The following KPNA7 variants were observed in gnomAD, a reference collection of about 807,000 sequenced individuals.
The protein encoded by KPNA7 is karyopherin subunit alpha 7.
A neutral mutation model predicts 53.7 loss-of-function variants in KPNA7; 54 were observed. The ratio of observed to expected loss-of-function variants is 1.01; its 90% confidence interval spans 0.81 to 1.26. The LOEUF is 1.26. KPNA7 is among the 50% of genes most tolerant of loss of function. The probability of loss-of-function intolerance (pLI) is 0.00; values close to 1 mark genes in which losing one functional copy is unlikely to be tolerated. For missense variants in KPNA7, 640 were observed against 644.5 expected, an observed-to-expected ratio of 0.99 and a Z score of 0.07; for synonymous variants, 276 against 259.3, an observed-to-expected ratio of 1.06 and a Z score of -0.62.
the KPNA7 span, among the ~76,000 whole-genome samples, chr7:99,147,479 T>C: frequency 6.6e-6 from 1 of 152,182 alleles, no homozygotes; most frequent in Non-Finnish European, 1.5e-5. Flanking sequence ...ACTCTATCCA[T>C]ACAACTTACT....
chr7:99,149,481 A>G, the KPNA7 span, among the ~76,000 whole-genome samples: 2 of 152,366 alleles, frequency 1.3e-5, no homozygotes, highest in East Asian at 1.9e-4. Context: ...GGCTTAAATC[A>G]TGAATGTAGA....
At chr7:99,186,842 G>C (rs1789619692) in intron 7 of KPNA7, among the ~76,000 whole-genome samples, 1 of 152,106 alleles carries the variant, frequency 6.6e-6, no homozygotes, top group Non-Finnish European at 1.5e-5. Context: ...GAAGTCCTAT[G>C]CTAATCTCAA....
chr7:99,188,945 G>A (rs144322243), intron 6 of KPNA7, among the ~76,000 whole-genome samples: 8 of 152,244 alleles, frequency 5.3e-5, no homozygotes, highest in Non-Finnish European at 8.8e-5. Context: ...GCCTCCCAAC[G>A]TGCTGGGATT....
intron 1 of KPNA7, among the ~76,000 whole-genome samples, chr7:99,219,389 G>A (rs1791291325): frequency 6.6e-6 from 1 of 152,164 alleles, no homozygotes; most frequent in Admixed American, 6.5e-5. Context: ...CTTAAAAGCT[G>A]CTGTTGAATT....
At chr7:99,177,575 A>C in intron 10 of KPNA7, among the ~76,000 whole-genome samples, 1 of 87,654 alleles carries the variant, frequency 1.1e-5, no homozygotes, top group Admixed American at 1.1e-4. Context: ...ACCATCTCAA[A>C]AAAAAAAAAA....
intron 1 of KPNA7, among the ~76,000 whole-genome samples, chr7:99,218,848 G>C (rs1402166276): frequency 6.6e-6 from 1 of 152,250 alleles, no homozygotes; most frequent in African/African-American, 2.4e-5. Context: ...ACAAGAGCAA[G>C]ATATCTGATC....
rs572557822 is a variant in KPNA7 at position 99,188,292 on chromosome 7, G to A, written c.900+8C>T. On this transcript the variant is annotated splice_region_variant and intron_variant, in intron 7 of 10. Transcript: ENST00000327442. Reference sequence around the variant, plus strand: ...ACTCGAATCCACAGGGCCCAGGATTGCATTTACCAAGACATTGAGTTCTGA... The same window carrying A: ...ACTCGAATCCACAGGGCCCAGGATTACATTTACCAAGACATTGAGTTCTGA... 115 of 1,549,444 alleles carry A rather than the reference G, an allele frequency of 7.4e-5. No individual in the cohort carries two copies. In the South Asian group the frequency reaches 8.6e-4, roughly 12 times the overall value.
rs71108429 is a variant in KPNA7, at chr7:99,198,517, A to AG, written c.202-2352dup. Among the ~76,000 whole-genome samples, 530 of 151,800 alleles carry AG rather than the reference A, an allele frequency of 3.5e-3. 2 individuals are homozygous for AG. The highest frequency in any genetic ancestry group is 7.2e-3 in the African/African-American group (297 of 41,380). ...TCAACATAGTACCCCGTATTAATAA[A>AG]GGGGGGGGAACCCACATGATCATCT... On this transcript the variant is annotated intron_variant, in intron 3 of 10. Transcript: ENST00000327442.
chr7:99,162,540 C>T, the KPNA7 span, among the ~76,000 whole-genome samples: 8,188 of 152,268 alleles, frequency 0.054, 312 homozygotes, highest in Non-Finnish European at 0.081. Context: ...AACACCATCT[C>T]TTTGCACCCA....
the KPNA7 span, among the ~76,000 whole-genome samples, chr7:99,162,000 A>G: frequency 3.0e-4 from 46 of 151,068 alleles, no homozygotes; most frequent in Admixed American, 2.4e-3. Flanking sequence ...AAAACAGCAG[A>G]TAAGTTACGC....
chr7:99,180,640 TCC>T (rs1799143404), intron 9 of KPNA7, among the ~76,000 whole-genome samples: 1 of 148,192 alleles, frequency 6.7e-6, no homozygotes, highest in Non-Finnish European at 1.5e-5. Context: ...CGTCTCTCTC[TCC>T]GTCTCTGTCT....
chr7:99,152,365 A>AAAAGAAAAAGAAAAAAAGG, the KPNA7 span, among the ~76,000 whole-genome samples: 2 of 151,898 alleles, frequency 1.3e-5, no homozygotes, highest in Admixed American at 6.6e-5. Flanking sequence ...CTCAAAAAAA[A>AAAAGAAAAAGAAAAAAAGG]AAAGAAAAAG....
intron 5 of KPNA7, among the ~76,000 whole-genome samples, chr7:99,194,193 A>G (rs1476899044): frequency 6.6e-6 from 1 of 152,154 alleles, no homozygotes; most frequent in Non-Finnish European, 1.5e-5. Flanking sequence ...CACTGGATTG[A>G]TGTCAGCCAA....
chr7:99,210,007 AAAAC>A (rs1419036703), upstream of KPNA7, among the ~76,000 whole-genome samples: 6 of 151,820 alleles, frequency 4.0e-5, no homozygotes, highest in East Asian at 1.9e-4. Flanking sequence ...CCCTGTCTCC[AAAAC>A]AAACAAACAA....
intron 1 of KPNA7, among the ~76,000 whole-genome samples, chr7:99,219,220 C>A (rs939358612): frequency 3.3e-5 from 5 of 152,192 alleles, no homozygotes; most frequent in African/African-American, 1.2e-4. Context: ...TCAGCCTCTG[C>A]AGCTGTAGCA....
chr7:99,217,527 G>C (rs767182984), intron 1 of KPNA7, among the ~76,000 whole-genome samples: 6 of 151,972 alleles, frequency 3.9e-5, no homozygotes, highest in Non-Finnish European at 8.8e-5. Flanking sequence ...GGCTAGCTGG[G>C]GTTGGGGGTG....
At chr7:99,212,715 C>T (rs1244876984), upstream of KPNA7, among the ~76,000 whole-genome samples, 2 of 151,780 alleles carry the variant, frequency 1.3e-5, no homozygotes, top group Non-Finnish European at 2.9e-5. Context: ...AATGGTGAGA[C>T]CCTATCTCTA....
In KPNA7 at chr7:99,178,188, G is replaced by A. The variant is rs2150701487; in HGVS notation, c.1318-122C>T. 5.0e-6 allele frequency: 4 copies of A among 803,240 alleles called. No individual in the cohort carries two copies. The South Asian group carries it at 7.9e-5, about 16-fold the overall frequency. The allele number at this position is 803,240 out of a possible 1,614,324, so 49.8% of individuals were successfully genotyped here. A position where few individuals can be genotyped will look rare whatever the true frequency, so the allele number is the denominator to read the frequency against. Reference sequence around the variant, plus strand: ...AGACCAAAGGCTACCATTCCAGAATGGATAGTTGCAATTTCACTTTTCCCA... The same window carrying A: ...AGACCAAAGGCTACCATTCCAGAATAGATAGTTGCAATTTCACTTTTCCCA... On this transcript the variant is annotated intron_variant, in intron 9 of 10. Transcript: ENST00000327442.
intron 10 of KPNA7, among the ~76,000 whole-genome samples, chr7:99,174,094 G>A (rs926981672): frequency 4.6e-5 from 7 of 152,004 alleles, no homozygotes; most frequent in East Asian, 1.9e-4. Flanking sequence ...GCCAGCAAGC[G>A]AAGCTTCATC....
Sources: gnomAD v4.1 joint callset for allele counts (sites outside exome capture counted in the v4.1 genomes callset) on GRCh38, gnomAD v4.1.1 for gene constraint, MANE v1.5 for transcripts, NCBI Gene and HGNC (gene_info 2026-07-23, HGNC 2026-07-21) for gene names.